KCNIP4: variants seen among roughly 807,000 people sequenced by gnomAD.
KCNIP4 encodes potassium voltage-gated channel interacting protein 4, also known as Kv channel-interacting protein 4.
In KCNIP4, 12 loss-of-function variants were observed where a neutral mutation model predicts 34.0. The ratio of observed to expected loss-of-function variants is 0.35; its 90% confidence interval spans 0.23 to 0.57. KCNIP4 has a LOEUF of 0.57. KCNIP4 is among the 20% of genes least tolerant of loss of function. The pLI, the probability that KCNIP4 is intolerant of heterozygous loss-of-function variation, is 0.83. For synonymous variants in KCNIP4, 124 were observed against 102.2 expected, an observed-to-expected ratio of 1.21 and a Z score of -1.29; for missense variants, 238 against 311.7, an observed-to-expected ratio of 0.76 and a Z score of 1.78.
intron 1 of KCNIP4, among the ~76,000 whole-genome samples, chr4:21,420,652 C>T (rs1725380553): frequency 6.6e-6 from 1 of 152,180 alleles, no homozygotes; most frequent in Non-Finnish European, 1.5e-5. Context: ...AGTGGAATAA[C>T]TGCTATTCAA....
At chr4:21,777,689 G>A (rs551850082) in intron 1 of KCNIP4, among the ~76,000 whole-genome samples, 2 of 152,220 alleles carry the variant, frequency 1.3e-5, no homozygotes, top group South Asian at 2.1e-4. Context: ...GCACATGACT[G>A]ATATAATTTA....
At chr4:21,352,251 C>G (rs533850880) in intron 1 of KCNIP4, among the ~76,000 whole-genome samples, 5 of 152,176 alleles carry the variant, frequency 3.3e-5, no homozygotes, top group African/African-American at 4.8e-5. Context: ...ACTAAGGTAC[C>G]TGGTTCATAT....
chr4:21,666,357 G>T (rs1015143258), intron 1 of KCNIP4, among the ~76,000 whole-genome samples: 2 of 152,086 alleles, frequency 1.3e-5, no homozygotes, highest in African/African-American at 4.8e-5. Context: ...TCATTGCAAC[G>T]GATCATCTCC....
intron 3 of KCNIP4, among the ~76,000 whole-genome samples, chr4:20,838,363 A>G (rs1379761023): frequency 8.5e-5 from 13 of 152,220 alleles, no homozygotes. Flanking sequence ...GAATCTAAGG[A>G]AACTTTTTAG....
At chr4:21,107,066 T>C (rs1166815886) in intron 1 of KCNIP4, among the ~76,000 whole-genome samples, 1 of 147,546 alleles carries the variant, frequency 6.8e-6, no homozygotes, top group African/African-American at 2.6e-5. Flanking sequence ...GAAAAAAATG[T>C]ATATTCTGTT....
At chr4:21,807,295 CG>C (rs753328991) in intron 1 of KCNIP4, among the ~76,000 whole-genome samples, 8 of 152,138 alleles carry the variant, frequency 5.3e-5, no homozygotes, top group Non-Finnish European at 1.2e-4. Context: ...CCACAGACTG[CG>C]ACTCGTCCAT....
chr4:20,767,907 C>G (rs189078003), intron 3 of KCNIP4, among the ~76,000 whole-genome samples: 8 of 152,332 alleles, frequency 5.3e-5, no homozygotes, highest in Non-Finnish European at 1.2e-4. Context: ...TCTTAGGCAT[C>G]TGTATATTTC....
At chr4:21,694,041 A>C (rs1330985160) in intron 1 of KCNIP4, among the ~76,000 whole-genome samples, 1 of 152,232 alleles carries the variant, frequency 6.6e-6, no homozygotes, top group Non-Finnish European at 1.5e-5. Context: ...GAAAAATGTC[A>C]AAACAACCTT....
At chr4:20,905,752 T>A (rs578225627) in intron 1 of KCNIP4, among the ~76,000 whole-genome samples, 9 of 151,724 alleles carry the variant, frequency 5.9e-5, no homozygotes, top group African/African-American at 2.2e-4. Context: ...AAACTCCTGA[T>A]GTCGTGATCC....
At chr4:21,468,463 G>T (rs369442817) in intron 1 of KCNIP4, among the ~76,000 whole-genome samples, 4 of 152,132 alleles carry the variant, frequency 2.6e-5, no homozygotes, top group Admixed American at 6.5e-5. Flanking sequence ...GGTAAGTTGT[G>T]CTTTCATCGC....
rs370248612 is a variant in KCNIP4 at position 21,077,202 on chromosome 4, T to C, written c.62-194493A>G. On this transcript the variant is annotated intron_variant, in intron 1 of 8. Coordinates refer to ENST00000382152, the MANE Select transcript of KCNIP4 (RefSeq NM_025221.6). ...ATTGAGGTTTTATTGCTCCATTTAT[T>C]TGTGTTGTCATCAACCATTTGGTAT... is the stretch of plus-strand genomic sequence containing the variant. 3.9e-5 allele frequency among the ~76,000 whole-genome samples: 6 copies of C among 152,066 alleles called. No homozygotes were observed. The East Asian group carries it at 7.7e-4, about 20-fold the overall frequency.
chr4:21,320,313 T>C (rs2109298389), intron 1 of KCNIP4, among the ~76,000 whole-genome samples: 1 of 152,260 alleles, frequency 6.6e-6, no homozygotes, highest in South Asian at 2.1e-4. Context: ...GGTTTACCAA[T>C]TTAGGTGCTC....
intron 1 of KCNIP4, among the ~76,000 whole-genome samples, chr4:21,245,913 A>T (rs928877272): frequency 6.6e-6 from 1 of 152,224 alleles, no homozygotes; most frequent in African/African-American, 2.4e-5. Context: ...AAAGGAAGAC[A>T]AGGATAGTCT....
chr4:20,824,521 A>G (rs939836125), intron 3 of KCNIP4, among the ~76,000 whole-genome samples: 2 of 152,056 alleles, frequency 1.3e-5, no homozygotes, highest in African/African-American at 2.4e-5. Context: ...CTCTACTAAA[A>G]ATACAAAAAT....
At chr4:21,094,549 G>A (rs1183598291) in intron 1 of KCNIP4, among the ~76,000 whole-genome samples, 1 of 152,080 alleles carries the variant, frequency 6.6e-6, no homozygotes, top group Non-Finnish European at 1.5e-5. Context: ...GAATTGCCAG[G>A]GTCCCCTAGA....
At chr4:21,676,853 A>C (rs1246437912) in intron 1 of KCNIP4, among the ~76,000 whole-genome samples, 1 of 152,162 alleles carries the variant, frequency 6.6e-6, no homozygotes, top group Non-Finnish European at 1.5e-5. Flanking sequence ...ATATCAGATA[A>C]AATTACATAA....
chr4:21,899,875 A>G (rs1041677175), intron 1 of KCNIP4, among the ~76,000 whole-genome samples: 2 of 152,178 alleles, frequency 1.3e-5, no homozygotes, highest in Admixed American at 6.6e-5. Flanking sequence ...TAAGCAATCT[A>G]CAGATTCAAT....
intron 3 of KCNIP4, among the ~76,000 whole-genome samples, chr4:20,804,965 T>C (rs902685474): frequency 2.6e-5 from 4 of 152,104 alleles, no homozygotes; most frequent in Non-Finnish European, 5.9e-5. Flanking sequence ...TTTCTTCTAA[T>C]GGCAGGAGCA....
At chr4:21,059,355 G>T (rs11943041) in intron 1 of KCNIP4, among the ~76,000 whole-genome samples, 1 of 152,034 alleles carries the variant, frequency 6.6e-6, no homozygotes. Context: ...GTTCATTAGC[G>T]CCAACTATTC....
Sources: gnomAD v4.1 joint callset for allele counts (sites outside exome capture counted in the v4.1 genomes callset) on GRCh38, gnomAD v4.1.1 for gene constraint, MANE v1.5 for transcripts, NCBI Gene and HGNC (gene_info 2026-07-23, HGNC 2026-07-21) for gene names.